The following CABLES1 variants were observed in gnomAD, a reference collection of about 807,000 sequenced individuals.
CABLES1 encodes the protein CDK5 and ABL1 enzyme substrate 1.
CABLES1 carries 36 observed loss-of-function variants against 57.8 expected under a neutral mutation model. The observed-to-expected ratio is 0.62, with a 90% confidence interval of 0.48 to 0.82. CABLES1 has a LOEUF of 0.82. Among genes scored for constraint, CABLES1 ranks in the 40% least tolerant of loss-of-function variants. CABLES1 has a pLI of 0.00. For synonymous variants in CABLES1, 374 were observed against 363.0 expected (o/e 1.03, Z -0.35); for missense variants, 767 against 836.6 (o/e 0.92, Z 1.03).
At chr18:23,202,043 G>GAGGAGGGA (rs148245557) in intron 3 of CABLES1, among the ~76,000 whole-genome samples, 1 of 151,766 alleles carries the variant, frequency 6.6e-6, no homozygotes, top group African/African-American at 2.4e-5. Flanking sequence ...AGGTGATTGA[G>GAGGAGGGA]AGGAAGGAAG....
At chr18:23,163,426 C>T (rs547285906) in intron 1 of CABLES1, among the ~76,000 whole-genome samples, 2 of 152,200 alleles carry the variant, frequency 1.3e-5, no homozygotes, top group South Asian at 4.2e-4. Flanking sequence ...GAGAAAAGTC[C>T]AACCTGGAGG....
At chr18:23,232,536 T>C (rs1362715332) in intron 4 of CABLES1, among the ~76,000 whole-genome samples, 1 of 152,234 alleles carries the variant, frequency 6.6e-6, no homozygotes, top group Non-Finnish European at 1.5e-5. Context: ...CCATCCTTAA[T>C]TGCTTTAAGA....
intron 1 of CABLES1, among the ~76,000 whole-genome samples, chr18:23,172,926 A>C (rs945100914): frequency 6.6e-6 from 1 of 152,230 alleles, no homozygotes; most frequent in East Asian, 1.9e-4. Context: ...CGTTTGGATA[A>C]CTGAAGTGCT....
chr18:23,252,425 T>C (rs1451142706), intron 7 of CABLES1, among the ~76,000 whole-genome samples: 1 of 152,186 alleles, frequency 6.6e-6, no homozygotes, highest in Admixed American at 6.5e-5. Context: ...AGCTAACATG[T>C]ATTGAGCACT....
chr18:23,239,545 C>T (rs1293110745), intron 7 of CABLES1, among the ~76,000 whole-genome samples: 20 of 152,192 alleles, frequency 1.3e-4, no homozygotes, highest in Non-Finnish European at 2.9e-5. Context: ...GTTTCTCATG[C>T]ATTTGCATTG....
At chr18:23,254,304 C>T (rs556731002) in intron 9 of CABLES1, among the ~76,000 whole-genome samples, 2 of 152,340 alleles carry the variant, frequency 1.3e-5, no homozygotes, top group Admixed American at 6.5e-5. Context: ...AAGACCTTGG[C>T]TTCCTACTTC....
chr18:23,153,591 A>T (rs1281745121), intron 1 of CABLES1, among the ~76,000 whole-genome samples: 1 of 151,992 alleles, frequency 6.6e-6, no homozygotes, highest in South Asian at 2.1e-4. Flanking sequence ...AATAGTAACC[A>T]GGCGTGGTGA....
At chr18:23,237,886 G>A (rs1045066769) in intron 7 of CABLES1, among the ~76,000 whole-genome samples, 1 of 150,770 alleles carries the variant, frequency 6.6e-6, no homozygotes, top group Non-Finnish European at 1.5e-5. Flanking sequence ...TCTCTGGGCC[G>A]ACTTGCCCTG....
intron 1 of CABLES1, among the ~76,000 whole-genome samples, chr18:23,182,523 C>G (rs942415403): frequency 6.6e-6 from 1 of 152,206 alleles, no homozygotes; most frequent in African/African-American, 2.4e-5. Flanking sequence ...TCTAAAACCC[C>G]GTTTATCCAG....
At chr18:23,257,198 A>C in intron 9 of CABLES1, 29 bp from the exon 10 acceptor site, 1 of 1,607,320 alleles carries the variant, frequency 6.2e-7, no homozygotes, top group Non-Finnish European at 8.5e-7. Flanking sequence ...TTCAAAATGA[A>C]CATGCTTTTG....
At chr18:23,200,462 C>T (rs902675161) in intron 3 of CABLES1, among the ~76,000 whole-genome samples, 16 of 152,126 alleles carry the variant, frequency 1.1e-4, no homozygotes, top group East Asian at 1.9e-4. Flanking sequence ...CGGGGTTTCA[C>T]CATGTTAGCC....
chr18:23,210,391 T>A (rs992002232), intron 3 of CABLES1, among the ~76,000 whole-genome samples: 1 of 152,146 alleles, frequency 6.6e-6, no homozygotes, highest in Admixed American at 6.5e-5. Context: ...GGCAAAGACA[T>A]GAGGGTGGTC....
chr18:23,250,721 A>T (rs1452428408), intron 7 of CABLES1, among the ~76,000 whole-genome samples: 2 of 152,136 alleles, frequency 1.3e-5, no homozygotes, highest in Non-Finnish European at 2.9e-5. Flanking sequence ...CCACATCTGG[A>T]CCAGGTCAGG....
chr18:23,139,886 TTGTG>T (rs2046846788), intron 1 of CABLES1, among the ~76,000 whole-genome samples: 1 of 152,250 alleles, frequency 6.6e-6, no homozygotes. Context: ...CTGTAAATGT[TTGTG>T]TATTATACAA....
At chr18:23,200,835 A>G (rs998356701) in intron 3 of CABLES1, among the ~76,000 whole-genome samples, 5 of 152,204 alleles carry the variant, frequency 3.3e-5, no homozygotes, top group African/African-American at 7.2e-5. Flanking sequence ...GGGCCGGGTG[A>G]TTGTGAAGCT....
chr18:23,195,331 G>A (rs1024415710), intron 3 of CABLES1, among the ~76,000 whole-genome samples: 1 of 152,142 alleles, frequency 6.6e-6, no homozygotes, highest in African/African-American at 2.4e-5. Flanking sequence ...AGTTAGAGAC[G>A]CCATCCAGAG....
intron 1 of CABLES1, among the ~76,000 whole-genome samples, chr18:23,140,505 C>T (rs556229267): frequency 8.1e-4 from 122 of 151,114 alleles, no homozygotes; most frequent in South Asian, 2.9e-3. Context: ...GGCGCCATCG[C>T]GGCTCACGGC....
intron 7 of CABLES1, among the ~76,000 whole-genome samples, chr18:23,244,656 A>G (rs2047828874): frequency 6.6e-6 from 1 of 152,244 alleles, no homozygotes; most frequent in South Asian, 2.1e-4. Flanking sequence ...AAGTATGGCC[A>G]AAGCAAAAGA....
chr18:23,237,010 G>A (rs1050183358), intron 6 of CABLES1, 132 bp from the exon 7 acceptor site: 11 of 663,834 alleles, frequency 1.7e-5, no homozygotes, highest in Middle Eastern at 3.2e-4. Flanking sequence ...AGTGAGTGCC[G>A]TGACGTTGAG....
Sources: allele counts gnomAD v4.1 joint callset (sites outside exome capture counted in the v4.1 genomes callset), GRCh38; gene constraint gnomAD v4.1.1; transcripts MANE v1.5; gene names NCBI Gene and HGNC (gene_info 2026-07-23, HGNC 2026-07-21).